ARID1B: variants seen among roughly 807,000 people sequenced by gnomAD.
ARID1B encodes the protein AT-rich interaction domain 1B, also known as AT-rich interactive domain-containing protein 1B.
Under a neutral mutation model 212.3 loss-of-function variants are expected in ARID1B, and 30 were observed. The observed-to-expected ratio is 0.14, with a 90% CI of 0.11 to 0.19. The LOEUF (loss-of-function observed/expected upper bound fraction) is 0.19, where lower values mean the gene tolerates loss of function less well. Among genes scored for constraint, ARID1B ranks in the 10% least tolerant of loss-of-function variants. The pLI is 1.00. For synonymous variants in ARID1B, 1,402 were observed against 1,301.7 expected (o/e 1.08, Z -1.66); for missense variants, 2,891 against 3,204.0 (o/e 0.90, Z 2.36).
At chr6:157,168,858 G>T (rs1019933719) in intron 9 of ARID1B, 1 of 152,144 alleles carries the variant, frequency 6.6e-6, no homozygotes, top group Non-Finnish European at 1.5e-5. Flanking sequence ...TTACTGCATT[G>T]TACATTTTGA....
At chr6:157,030,557 T>C (rs990138884) in intron 4 of ARID1B, among the ~76,000 whole-genome samples, 15 of 152,174 alleles carry the variant, frequency 9.9e-5, no homozygotes, top group Admixed American at 2.6e-4. Flanking sequence ...GCTTTGTAAA[T>C]CCTCTGTGGA....
intron 1 of ARID1B, among the ~76,000 whole-genome samples, chr6:156,812,933 GGTGTGTGT>G (rs71027314): frequency 0.036 from 3,183 of 89,284 alleles, 169 homozygotes; most frequent in African/African-American, 0.11. Flanking sequence ...TATAATCCTG[GGTGTGTGT>G]GTGTGTGTGT....
intron 4 of ARID1B, chr6:156,940,088 C>A (rs899043800): frequency 1.3e-5 from 2 of 152,150 alleles, no homozygotes; most frequent in Non-Finnish European, 2.9e-5. Context: ...GAGAGGCATG[C>A]TGCTAGCTTT....
chr6:156,957,628 A>G (rs1055820255), intron 4 of ARID1B, among the ~76,000 whole-genome samples: 1 of 152,228 alleles, frequency 6.6e-6, no homozygotes, highest in African/African-American at 2.4e-5. Flanking sequence ...CCTTGAATGT[A>G]TACAAATGAT....
At chr6:156,996,929 T>G (rs1778624763) in intron 4 of ARID1B, among the ~76,000 whole-genome samples, 1 of 152,144 alleles carries the variant, frequency 6.6e-6, no homozygotes, top group Admixed American at 6.5e-5. Flanking sequence ...GACTTAAAAG[T>G]TTCTGAGAAA....
intron 2 of ARID1B, among the ~76,000 whole-genome samples, chr6:156,864,433 G>A (rs532589652): frequency 3.7e-4 from 57 of 152,154 alleles, no homozygotes; most frequent in Non-Finnish European, 7.2e-4. Context: ...TTTGGCTTAT[G>A]ATATTTTACT....
At chr6:156,811,157 T>A (rs1781528271) in intron 1 of ARID1B, among the ~76,000 whole-genome samples, 1 of 152,190 alleles carries the variant, frequency 6.6e-6, no homozygotes, top group African/African-American at 2.4e-5. Flanking sequence ...GGACCCTCTT[T>A]TAAAGGGCTC....
intron 3 of ARID1B, among the ~76,000 whole-genome samples, chr6:156,906,662 G>T (rs1391998077): frequency 6.7e-6 from 1 of 149,808 alleles, no homozygotes; most frequent in Admixed American, 6.7e-5. Flanking sequence ...TTCGGGCACT[G>T]TTGCTGTGCT....
intron 4 of ARID1B, among the ~76,000 whole-genome samples, chr6:156,963,542 A>G (rs1794542795): frequency 6.6e-6 from 1 of 152,236 alleles, no homozygotes; most frequent in South Asian, 2.1e-4. Context: ...TAAAGAATCT[A>G]AATAGACTGT....
At chr6:156,784,280 A>G (rs1018829408) in intron 1 of ARID1B, among the ~76,000 whole-genome samples, 4 of 151,414 alleles carry the variant, frequency 2.6e-5, no homozygotes, top group Non-Finnish European at 5.9e-5. Context: ...GGAATCCCAA[A>G]CCCTGTTCCC....
chr6:156,963,847 G>A (rs999602596), intron 4 of ARID1B, among the ~76,000 whole-genome samples: 5 of 152,222 alleles, frequency 3.3e-5, no homozygotes, highest in Non-Finnish European at 7.3e-5. Flanking sequence ...GTAGCAGTCC[G>A]AGAGGCAGGA....
At chr6:157,037,424 G>T (rs1781403341) in intron 4 of ARID1B, among the ~76,000 whole-genome samples, 3 of 152,160 alleles carry the variant, frequency 2.0e-5, no homozygotes. Context: ...GAGGCTGCGA[G>T]TCGGGTGGAG....
At chr6:157,198,449 C>A in intron 16 of ARID1B, 1 of 208,188 alleles carries the variant, frequency 4.8e-6, no homozygotes, top group Admixed American at 5.6e-5. Context: ...GTCATCACAG[C>A]ACTGTACGAC....
At chr6:157,001,836 C>T (rs1778932333) in intron 4 of ARID1B, among the ~76,000 whole-genome samples, 1 of 152,156 alleles carries the variant, frequency 6.6e-6, no homozygotes. Flanking sequence ...ATGGTGGTCT[C>T]CTGGAATCCC....
At chr6:157,139,445 C>T (rs1789178620) in intron 7 of ARID1B, among the ~76,000 whole-genome samples, 1 of 152,196 alleles carries the variant, frequency 6.6e-6, no homozygotes, top group Non-Finnish European at 1.5e-5. Context: ...ACCAGGCACC[C>T]TGGAGAAGGG....
In ARID1B at chr6:156,982,188, T is replaced by C. The variant is rs1327234381; in HGVS notation, c.2247+46612T>C. 2.0e-5 allele frequency among the ~76,000 whole-genome samples: 3 copies of C among 152,198 alleles called. No individual in the cohort carries two copies. In the East Asian group the frequency reaches 5.8e-4, roughly 29 times the overall value. On this transcript the variant is annotated intron_variant, in intron 4 of 19. Transcript: ENST00000636930. ...TGCATGTTTCAAAACACCTTTACTATATACCCTCATATTTAAATTGATTGA... is the reference window on the plus strand; with the variant it reads ...TGCATGTTTCAAAACACCTTTACTACATACCCTCATATTTAAATTGATTGA...
intron 4 of ARID1B, among the ~76,000 whole-genome samples, chr6:157,018,212 C>CTTTTTTTTTGTTTTT (rs1780023821): frequency 1.4e-5 from 1 of 72,432 alleles, no homozygotes; most frequent in African/African-American, 6.5e-5. Context: ...AAGTAGTATG[C>CTTTTTTTTTGTTTTT]TTTTTTTTTT....
chr6:157,085,176 TC>T (rs1317562062), intron 5 of ARID1B, among the ~76,000 whole-genome samples: 7 of 152,242 alleles, frequency 4.6e-5, no homozygotes, highest in Non-Finnish European at 7.3e-5. Flanking sequence ...GTATTATTTA[TC>T]CTCTTAGCAT....
At position 157,190,381 on chromosome 6, in the gene ARID1B, C is replaced by T. The variant is rs1793275511; in HGVS notation, c.4231+171C>T. Among the ~76,000 whole-genome samples the T allele has an allele frequency of 6.6e-6, 1 of 152,272 alleles. No individual in the cohort carries two copies. The highest frequency in any genetic ancestry group is 1.5e-5 in the Non-Finnish European group (1 of 68,050). Reference sequence around the variant, plus strand: ...TGGCCTTGGGAAAAGCAGTTAGCCTCTTTGTGCCCTCATCCTGTCCCCGGC... The same window carrying T: ...TGGCCTTGGGAAAAGCAGTTAGCCTTTTTGTGCCCTCATCCTGTCCCCGGC... On this transcript the variant is annotated intron_variant, in intron 15 of 19. Transcript: ENST00000636930. The surrounding 1 kb of genome is among the most constrained non-coding windows in gnomAD (Gnocchi z 4.6).
Sources: gnomAD v4.1 joint callset for allele counts (sites outside exome capture counted in the v4.1 genomes callset) on GRCh38, gnomAD v4.1.1 for gene constraint, Gnocchi (gnomAD v3.1) non-coding constraint, MANE v1.5 for transcripts, NCBI Gene and HGNC (gene_info 2026-07-23, HGNC 2026-07-21) for gene names.